The following BTBD9 variants were observed in gnomAD, a reference collection of about 807,000 sequenced individuals.
BTBD9 encodes BTB/POZ domain-containing protein 9.
In BTBD9, 49 loss-of-function variants were observed where a neutral mutation model predicts 64.3. The observed-to-expected ratio is 0.76, with a 90% confidence interval of 0.61 to 0.97. The LOEUF is 0.97. Ranked by LOEUF, BTBD9 falls within the 50% of genes least tolerant of loss-of-function variation. The pLI is 0.00. For synonymous variants in BTBD9, 260 were observed against 274.7 expected (o/e 0.95, Z 0.53); for missense variants, 598 against 762.1 (o/e 0.78, Z 2.53).
intron 6 of BTBD9, among the ~76,000 whole-genome samples, chr6:38,368,686 C>A (rs948799138): frequency 6.6e-5 from 10 of 152,130 alleles, no homozygotes; most frequent in African/African-American, 2.2e-4. Context: ...AAGTTATGAA[C>A]CCCCTTCTTG....
intron 6 of BTBD9, among the ~76,000 whole-genome samples, chr6:38,489,196 C>A (rs1403273331): frequency 1.3e-5 from 2 of 152,100 alleles, no homozygotes; most frequent in African/African-American, 4.8e-5. Flanking sequence ...GTGCCTGGCC[C>A]TTACAGCTTT....
At chr6:38,267,673 C>T (rs896800610) in intron 8 of BTBD9, among the ~76,000 whole-genome samples, 2 of 152,242 alleles carry the variant, frequency 1.3e-5, no homozygotes. Context: ...GGCACGGTGG[C>T]TCACGCCTGT....
At chr6:38,219,835 G>C (rs1157166195) in intron 9 of BTBD9, among the ~76,000 whole-genome samples, 1 of 152,128 alleles carries the variant, frequency 6.6e-6, no homozygotes, top group East Asian at 1.9e-4. Flanking sequence ...AAACACTAAG[G>C]AGGGCATTTG....
chr6:38,637,920 G>A (rs1778581373), intron 1 of BTBD9, among the ~76,000 whole-genome samples: 1 of 152,176 alleles, frequency 6.6e-6, no homozygotes, highest in Non-Finnish European at 1.5e-5. Flanking sequence ...TTAACAGTGG[G>A]ATGCTGATAA....
intron 7 of BTBD9, among the ~76,000 whole-genome samples, chr6:38,314,032 T>C (rs1308938564): frequency 6.6e-6 from 1 of 151,894 alleles, no homozygotes; most frequent in Non-Finnish European, 1.5e-5. Flanking sequence ...TGAGCCACTG[T>C]GCCTGGTGAA....
chr6:38,451,018 T>A (rs1769517324), intron 6 of BTBD9, among the ~76,000 whole-genome samples: 1 of 152,202 alleles, frequency 6.6e-6, no homozygotes, highest in Non-Finnish European at 1.5e-5. Context: ...TAACCTCTTC[T>A]CTATTGAAAG....
intron 6 of BTBD9, among the ~76,000 whole-genome samples, chr6:38,437,100 A>G (rs1003170924): frequency 1.3e-5 from 2 of 152,226 alleles, no homozygotes; most frequent in Non-Finnish European, 2.9e-5. Flanking sequence ...AATACAAATT[A>G]CAATAAACCT....
chr6:38,179,360 C>A, intron 10 of BTBD9: 1 of 438,626 alleles, frequency 2.3e-6, no homozygotes. Context: ...TGGTAACAGA[C>A]TGGATGAGAC....
chr6:38,588,294 G>A, intron 4 of BTBD9: 1 of 1,112,022 alleles, frequency 9.0e-7, no homozygotes, highest in South Asian at 1.2e-5. Flanking sequence ...CACAGTACCA[G>A]GCAAGCAATT....
chr6:38,528,097 G>C (rs1773592440), intron 6 of BTBD9, among the ~76,000 whole-genome samples: 1 of 152,146 alleles, frequency 6.6e-6, no homozygotes, highest in Non-Finnish European at 1.5e-5. Context: ...CACAAAGAGA[G>C]AATCTGTGCA....
At chr6:38,190,456 G>A (rs1347557788) in intron 10 of BTBD9, among the ~76,000 whole-genome samples, 13 of 104,340 alleles carry the variant, frequency 1.2e-4, no homozygotes, top group Admixed American at 1.1e-3. Flanking sequence ...GTGACAGAGT[G>A]AAACTCTGTC....
rs1447469542 is a variant in BTBD9 at position 38,171,601 on chromosome 6, TGTGAGAGG to T, written c.*3376_*3383del. 1 of 73,722 alleles carries T rather than the reference TGTGAGAGG, an allele frequency of 1.4e-5. No homozygotes were observed. The highest frequency in any genetic ancestry group is 6.0e-5 in the African/African-American group (1 of 16,734). The allele number at this position is 73,722 out of a possible 1,614,324, so 4.6% of individuals were successfully genotyped here. A position where few individuals can be genotyped will look rare whatever the true frequency, so the allele number is the denominator to read the frequency against. Reference sequence around the variant, plus strand: ...GTGTGTGTGTGTGTGTGTGTGTGTGTGTGAGAGGGAGAGACGGTGGGGGCGGGGGGTGG... The same window carrying T: ...GTGTGTGTGTGTGTGTGTGTGTGTGTGAGAGACGGTGGGGGCGGGGGGTGG... On this transcript the variant is annotated 3_prime_UTR_variant, in exon 11 of 11. Transcript: ENST00000481247.
chr6:38,425,748 T>A (rs6911352), intron 6 of BTBD9, among the ~76,000 whole-genome samples: 71,854 of 148,696 alleles, frequency 0.48, 17,937 homozygotes, highest in Middle Eastern at 0.64. Context: ...TCACTACCAA[T>A]AACTAAAAAA....
intron 8 of BTBD9, among the ~76,000 whole-genome samples, chr6:38,264,668 G>A (rs1764909053): frequency 6.6e-6 from 1 of 152,244 alleles, no homozygotes; most frequent in African/African-American, 2.4e-5. Flanking sequence ...ATCGTCAGCT[G>A]TCACAGGGTT....
intron 6 of BTBD9, among the ~76,000 whole-genome samples, chr6:38,555,841 T>C (rs1774988935): frequency 6.6e-6 from 1 of 152,210 alleles, no homozygotes. Flanking sequence ...TTTCATGAAA[T>C]CTTTATTTCT....
intron 4 of BTBD9, among the ~76,000 whole-genome samples, chr6:38,584,180 T>C (rs1212227890): frequency 6.6e-6 from 1 of 151,966 alleles, no homozygotes; most frequent in East Asian, 1.9e-4. Context: ...TACAAAAAAT[T>C]AGCTGAGCGT....
intron 6 of BTBD9, among the ~76,000 whole-genome samples, chr6:38,499,166 A>G (rs1772087683): frequency 6.6e-6 from 1 of 152,078 alleles, no homozygotes; most frequent in African/African-American, 2.4e-5. Context: ...CAGAGAAAAA[A>G]TATTAACAAA....
intron 8 of BTBD9, among the ~76,000 whole-genome samples, chr6:38,270,023 T>C (rs1474090195): frequency 6.6e-6 from 1 of 152,150 alleles, no homozygotes; most frequent in African/African-American, 2.4e-5. Flanking sequence ...ATCTGAGTGA[T>C]GGAAGCAGAG....
At chr6:38,369,722 T>A (rs190757919) in intron 6 of BTBD9, among the ~76,000 whole-genome samples, 2 of 152,366 alleles carry the variant, frequency 1.3e-5, no homozygotes, top group East Asian at 3.9e-4. Flanking sequence ...TCTGCTGCCC[T>A]TCTGGTGCCG....
Sources: gnomAD v4.1 joint callset for allele counts (sites outside exome capture counted in the v4.1 genomes callset) on GRCh38, gnomAD v4.1.1 for gene constraint, MANE v1.5 for transcripts, NCBI Gene and HGNC (gene_info 2026-07-23, HGNC 2026-07-21) for gene names.